The following FAT3 variants were observed in gnomAD, a reference collection of about 807,000 sequenced individuals.
FAT3 encodes the protein FAT atypical cadherin 3.
A neutral mutation model predicts 310.2 loss-of-function variants in FAT3; 95 were observed. That is an observed-to-expected ratio of 0.31 (90% CI 0.26 to 0.36). The LOEUF is 0.36. Ranked by LOEUF, FAT3 falls within the 10% of genes least tolerant of loss-of-function variation. The pLI is 1.00. For missense variants in FAT3, 5,408 were observed against 5,715.6 expected, an observed-to-expected ratio of 0.95 and a Z score of 1.74; for synonymous variants, 2,314 against 2,192.9, an observed-to-expected ratio of 1.06 and a Z score of -1.54.
At chr11:92,742,819 A>T (rs959649508) in intron 4 of FAT3, among the ~76,000 whole-genome samples, 14 of 152,170 alleles carry the variant, frequency 9.2e-5, no homozygotes, top group Non-Finnish European at 1.5e-5. Context: ...ATAGCAACAC[A>T]AATCAGACTA....
At position 92,859,280 on chromosome 11, in the gene FAT3, G is replaced by A; in HGVS notation, c.11616G>A (p.Gly3872=). 11 of 1,613,174 alleles carry A rather than the reference G, an allele frequency of 6.8e-6. No homozygotes were observed. The highest frequency in any genetic ancestry group is 9.3e-6 in the Non-Finnish European group (11 of 1,179,492). The part of the protein sequence containing the change: ...ALRLRTLQSN[G]IIMYTRANPC... ...GTCTTCGAACACTGCAAAGCAATGG[G>A]ATTATAATGTACACCAGAGCAAATC... The change falls in exon 21 of 28, where the codon GGG becomes GGA. Residue 3872 remains glycine (G), a synonymous_variant. Coordinates refer to ENST00000525166, the MANE Select transcript of FAT3 (RefSeq NM_001367949.2).
chr11:92,668,970 C>CT (rs1239909049), intron 3 of FAT3, among the ~76,000 whole-genome samples: 3 of 152,162 alleles, frequency 2.0e-5, no homozygotes, highest in African/African-American at 7.2e-5. Context: ...ACTCAGGGCA[C>CT]TTAGACAATA....
At chr11:92,688,621 C>G (rs1450286556) in intron 3 of FAT3, among the ~76,000 whole-genome samples, 1 of 152,070 alleles carries the variant, frequency 6.6e-6, no homozygotes, top group African/African-American at 2.4e-5. Flanking sequence ...CCAGGTGATT[C>G]CAGGGCACAG....
At chr11:92,830,640 C>T (rs1171786227) in intron 13 of FAT3, among the ~76,000 whole-genome samples, 1 of 152,100 alleles carries the variant, frequency 6.6e-6, no homozygotes, top group Non-Finnish European at 1.5e-5. Flanking sequence ...TTGACATCTG[C>T]ACTTGAATAT....
At chr11:92,607,793 A>C (rs1156276848) in intron 3 of FAT3, among the ~76,000 whole-genome samples, 1 of 152,160 alleles carries the variant, frequency 6.6e-6, no homozygotes, top group African/African-American at 2.4e-5. Flanking sequence ...ATTTACCTTT[A>C]AAACGGAAAA....
chr11:92,584,172 A>T (rs141563880), intron 3 of FAT3, among the ~76,000 whole-genome samples: 1 of 151,924 alleles, frequency 6.6e-6, no homozygotes, highest in Non-Finnish European at 1.5e-5. Context: ...GACAGCTATT[A>T]CTGTTGTACC....
At chr11:92,822,984 G>T (rs1254326462) in intron 13 of FAT3, among the ~76,000 whole-genome samples, 2 of 151,926 alleles carry the variant, frequency 1.3e-5, no homozygotes, top group Non-Finnish European at 2.9e-5. Flanking sequence ...TTTCCTTCAG[G>T]ACTCAATCCA....
At chr11:92,323,276 T>A (rs1386296615) in intron 1 of FAT3, among the ~76,000 whole-genome samples, 2 of 152,008 alleles carry the variant, frequency 1.3e-5, no homozygotes, top group Non-Finnish European at 2.9e-5. Context: ...TGAAACAGGG[T>A]CTTGCTCTGT....
intron 7 of FAT3, among the ~76,000 whole-genome samples, chr11:92,783,098 G>T (rs764427406): frequency 6.6e-6 from 1 of 151,980 alleles, no homozygotes; most frequent in South Asian, 2.1e-4. Context: ...AATGGCTCAC[G>T]CCTGTAATCC....
At chr11:92,510,917 C>T (rs1227650420) in intron 2 of FAT3, among the ~76,000 whole-genome samples, 1 of 152,182 alleles carries the variant, frequency 6.6e-6, no homozygotes, top group Non-Finnish European at 1.5e-5. Flanking sequence ...TGGGCATCCT[C>T]ATGAGGAGGA....
chr11:92,400,113 G>A (rs569493060), intron 2 of FAT3: 3 of 152,218 alleles, frequency 2.0e-5, no homozygotes, highest in African/African-American at 7.2e-5. Flanking sequence ...CTCTATTAAC[G>A]TGGGTGACTT....
At position 92,354,548 on chromosome 11, in the gene FAT3, G is replaced by C. The variant is rs368806358; in HGVS notation, c.2436G>C (p.Ser812=). 6.2e-7 allele frequency: 1 copy of C among 1,613,810 alleles called. No homozygotes were observed. The highest frequency in any genetic ancestry group is 8.5e-7 in the Non-Finnish European group (1 of 1,179,850). ...TIYDLGNPQK[S]SWRLLTINVE... ...ATGACTTAGGTAATCCACAGAAATC[G>C]TCATGGAGACTGCTGACCATCAATG... The change falls in exon 2 of 28, where the codon TCG becomes TCC. Residue 812 remains serine, a synonymous_variant. Coordinates refer to ENST00000525166, the MANE Select transcript of FAT3 (RefSeq NM_001367949.2).
At chr11:92,424,097 T>C (rs543712813) in intron 2 of FAT3, among the ~76,000 whole-genome samples, 26 of 152,194 alleles carry the variant, frequency 1.7e-4, no homozygotes, top group African/African-American at 5.1e-4. Flanking sequence ...CTTTGTTTTG[T>C]TTTTTTATTG....
intron 1 of FAT3, among the ~76,000 whole-genome samples, chr11:92,300,569 T>G (rs1946972631): frequency 6.6e-6 from 1 of 152,168 alleles, no homozygotes; most frequent in Non-Finnish European, 1.5e-5. Flanking sequence ...GAGGCCTTCC[T>G]TAACAATCTT....
chr11:92,717,468 T>C (rs191667141), intron 4 of FAT3, among the ~76,000 whole-genome samples: 4 of 152,278 alleles, frequency 2.6e-5, no homozygotes, highest in East Asian at 3.9e-4. Context: ...CTCCTACAGA[T>C]CAGGTGGTTA....
chr11:92,447,361 G>T (rs773770516), intron 2 of FAT3, among the ~76,000 whole-genome samples: 39 of 151,780 alleles, frequency 2.6e-4, no homozygotes, highest in Non-Finnish European at 4.9e-4. Context: ...TTAATCTGCT[G>T]GAGTCATACC....
chr11:92,883,457 G>C lies in FAT3; in HGVS notation c.12937+64G>C, dbSNP rs1325892129. On this transcript the variant is annotated intron_variant, in intron 24 of 27. Coordinates refer to ENST00000525166, the MANE Select transcript of FAT3 (RefSeq NM_001367949.2). This position sits in a 1 kb window ranked among gnomAD's most constrained non-coding sequence, Gnocchi z 4.2. ...CAGGGAACCTGCAGGGGCGCTGTGC[G>C]AGGACGCTACGGGAAGGGAGAGAGA... 1.3e-6 allele frequency: 2 copies of C among 1,534,858 alleles called. No homozygotes were observed. The highest frequency in any genetic ancestry group is 1.8e-6 in the Non-Finnish European group (2 of 1,138,794).
At chr11:92,436,127 T>C (rs542221612) in intron 2 of FAT3, among the ~76,000 whole-genome samples, 1 of 152,260 alleles carries the variant, frequency 6.6e-6, no homozygotes, top group East Asian at 1.9e-4. Context: ...AATTTTTCTT[T>C]TATTTTTTTG....
intron 2 of FAT3, among the ~76,000 whole-genome samples, chr11:92,405,527 C>T (rs919007357): frequency 8.5e-5 from 13 of 152,122 alleles, no homozygotes; most frequent in Admixed American, 7.2e-4. Flanking sequence ...GAGGCCAAGG[C>T]GGTAGGATCA....
Sources: gnomAD v4.1 joint callset for allele counts (sites outside exome capture counted in the v4.1 genomes callset) on GRCh38, gnomAD v4.1.1 for gene constraint, Gnocchi (gnomAD v3.1) non-coding constraint, MANE v1.5 for transcripts, NCBI Gene and HGNC (gene_info 2026-07-23, HGNC 2026-07-21) for gene names.